Variants in DHCR24 observed in about 807,000 individuals in gnomAD.
DHCR24 encodes the protein delta(24)-sterol reductase.
In DHCR24, 28 loss-of-function variants were observed where a neutral mutation model predicts 61.2. The ratio of observed to expected loss-of-function variants is 0.46; its 90% confidence interval spans 0.34 to 0.63. DHCR24 has a LOEUF of 0.63. Among genes scored for constraint, DHCR24 ranks in the 20% least tolerant of loss-of-function variants. DHCR24 has a pLI of 0.01. For missense variants in DHCR24, 538 were observed against 679.1 expected (o/e 0.79, Z 2.31); for synonymous variants, 261 against 275.9 (o/e 0.95, Z 0.54).
chr1:54,880,891 G>A (rs636222), intron 2 of DHCR24, among the ~76,000 whole-genome samples: 2,725 of 152,318 alleles, frequency 0.018, 96 homozygotes, highest in African/African-American at 0.062. Context: ...GCTCACGCCT[G>A]TAATTCTAGC....
Position 54,886,914 on chromosome 1 carries a change from T to C in DHCR24, c.206A>G (p.Gln69Arg). ...CTGCTTCTGGATGTCCCGCACGCGCTGCTCGTGCAGGCGCGGAGCGCTGCT... is the reference window on the plus strand; with the variant it reads ...CTGCTTCTGGATGTCCCGCACGCGCCGCTCGTGCAGGCGCGGAGCGCTGCT... The part of the protein sequence containing the change: ...KLSSAPRLHE[Q>R]RVRDIQKQVR... Residue 69 changes from glutamine to arginine, a missense_variant, in exon 1 of 9, where the codon CAG (glutamine) becomes CGG (arginine). By Grantham distance (43) the Gln-to-Arg change is conservative. Transcript: ENST00000371269. 1 of 1,613,262 alleles carries C rather than the reference T, an allele frequency of 6.2e-7. No homozygotes were observed. Among genetic ancestry groups the C allele is most frequent in the Non-Finnish European group, 8.5e-7 (1 of 1,179,586 alleles).
At chr1:54,877,527 G>A (rs1027327092) in intron 2 of DHCR24, among the ~76,000 whole-genome samples, 6 of 151,704 alleles carry the variant, frequency 4.0e-5, no homozygotes, top group Admixed American at 1.3e-4. Flanking sequence ...GCTCTGAGGC[G>A]GGAGGACTGC....
At chr1:54,869,767 C>A (rs1259446960) in intron 5 of DHCR24, among the ~76,000 whole-genome samples, 1 of 152,008 alleles carries the variant, frequency 6.6e-6, no homozygotes, top group Admixed American at 6.6e-5. Flanking sequence ...AAAAAATTAA[C>A]CAGGCCGGGC....
chr1:54,879,322 GAAAAAAAAAAAAAA>G (rs58945175), intron 2 of DHCR24, among the ~76,000 whole-genome samples: 1 of 108,500 alleles, frequency 9.2e-6, no homozygotes, highest in Non-Finnish European at 1.8e-5. Context: ...GACTCCATCT[GAAAAAAAAAAAAAA>G]AAAAAAAAAA....
chr1:54,864,414 A>G (rs1481248320), intron 6 of DHCR24, among the ~76,000 whole-genome samples: 1 of 152,218 alleles, frequency 6.6e-6, no homozygotes, highest in African/African-American at 2.4e-5. Flanking sequence ...TATGCTATGT[A>G]AAAGAAGCCA....
At chr1:54,853,824 G>A (rs1271698993) in intron 7 of DHCR24, among the ~76,000 whole-genome samples, 1 of 152,126 alleles carries the variant, frequency 6.6e-6, no homozygotes, top group Admixed American at 6.5e-5. Context: ...GGTCATGGGA[G>A]TGCTCGATGC....
chr1:54,886,571 C>T lies in DHCR24; in HGVS notation c.231+318G>A. On this transcript the variant is annotated intron_variant, in intron 1 of 8. Transcript: ENST00000371269. ...CAATCTCTAGACCCAGCTCCACCTC[C>T]CGGAAGCCTTTCCTTCTCTGAAATG... The T allele has an allele frequency of 1.2e-5, 17 of 1,377,874 alleles. 1 individual carries two copies. The highest frequency in any genetic ancestry group is 3.8e-4 in the Middle Eastern group (2 of 5,226). 85.4% of individuals were successfully genotyped at this position (1,377,874 alleles called of 1,614,324 possible).
intron 4 of DHCR24, among the ~76,000 whole-genome samples, chr1:54,872,327 A>G (rs1412086917): frequency 6.6e-6 from 1 of 152,232 alleles, no homozygotes; most frequent in Non-Finnish European, 1.5e-5. Flanking sequence ...TTTGTCTTGG[A>G]CACAGACAAC....
intron 5 of DHCR24, among the ~76,000 whole-genome samples, chr1:54,868,117 G>A (rs1242481588): frequency 6.6e-6 from 1 of 152,158 alleles, no homozygotes; most frequent in East Asian, 1.9e-4. Context: ...TATGTATATA[G>A]GTATAGATTA....
chr1:54,866,352 CTT>C (rs796435589), intron 5 of DHCR24, among the ~76,000 whole-genome samples: 5 of 144,130 alleles, frequency 3.5e-5, no homozygotes, highest in Admixed American at 6.9e-5. Context: ...ATAGGACCAT[CTT>C]TTTTTTTTTT....
intron 7 of DHCR24, among the ~76,000 whole-genome samples, chr1:54,853,819 T>C (rs1241788659): frequency 6.6e-6 from 1 of 151,946 alleles, no homozygotes; most frequent in Non-Finnish European, 1.5e-5. Context: ...GAGCAGGTCA[T>C]GGGAGTGCTC....
intron 6 of DHCR24, among the ~76,000 whole-genome samples, chr1:54,855,741 TGC>T (rs924140450): frequency 6.6e-6 from 1 of 152,250 alleles, no homozygotes; most frequent in African/African-American, 2.4e-5. Context: ...TGTTAGATCC[TGC>T]GCCTTTGCCA....
chr1:54,853,938 A>C (rs1646892351), intron 7 of DHCR24, 99 bp downstream of exon 7: 1 of 1,229,292 alleles, frequency 8.1e-7, no homozygotes, highest in Non-Finnish European at 1.2e-6. Flanking sequence ...AAACACCCAG[A>C]GGGCAGTGTG....
chr1:54,886,667 T>C (rs1647098831), intron 1 of DHCR24: 5 of 1,508,532 alleles, frequency 3.3e-6, no homozygotes, highest in Non-Finnish European at 4.4e-6. Flanking sequence ...TCCCTCCAGG[T>C]ACCCGCATAT....
chr1:54,857,275 C>T (rs572405622), intron 6 of DHCR24, among the ~76,000 whole-genome samples: 1 of 152,384 alleles, frequency 6.6e-6, no homozygotes, highest in South Asian at 2.1e-4. Flanking sequence ...CTCTGGCCAT[C>T]CTTGCTCACT....
At chr1:54,873,143 T>C (rs1647008651) in intron 4 of DHCR24, among the ~76,000 whole-genome samples, 1 of 152,238 alleles carries the variant, frequency 6.6e-6, no homozygotes, top group African/African-American at 2.4e-5. Flanking sequence ...CACGATTACG[T>C]GCTACATAAA....
chr1:54,885,109 G>A (rs1284744431), intron 1 of DHCR24, among the ~76,000 whole-genome samples: 1 of 152,220 alleles, frequency 6.6e-6, no homozygotes, highest in Non-Finnish European at 1.5e-5. Flanking sequence ...AGGTCTCCTG[G>A]AGAAGGCTGC....
chr1:54,886,845 GC>G (rs1179081554), intron 1 of DHCR24, 43 bp downstream of exon 1: 1 of 1,557,078 alleles, frequency 6.4e-7, no homozygotes, highest in Non-Finnish European at 8.7e-7. Context: ...CCCCGCGCAC[GC>G]CGCCTCCGGC....
At chr1:54,879,179 C>T (rs1475517713) in intron 2 of DHCR24, among the ~76,000 whole-genome samples, 4 of 151,858 alleles carry the variant, frequency 2.6e-5, no homozygotes, top group Admixed American at 6.6e-5. Context: ...ATTAGCCAGG[C>T]GCGGTGGTGC....
Sources: allele counts gnomAD v4.1 joint callset (sites outside exome capture counted in the v4.1 genomes callset), GRCh38; gene constraint gnomAD v4.1.1; transcripts MANE v1.5; gene names NCBI Gene and HGNC (gene_info 2026-07-23, HGNC 2026-07-21).